Variants in ORC2 observed in about 807,000 individuals in gnomAD.
ORC2 encodes origin recognition complex subunit 2.
In ORC2, 37 loss-of-function variants were observed where a neutral mutation model predicts 77.7. The ratio of observed to expected loss-of-function variants is 0.48; its 90% CI spans 0.37 to 0.63. ORC2 has a LOEUF of 0.63. Among genes scored for constraint, ORC2 ranks in the 20% least tolerant of loss-of-function variants. The pLI is 0.00. For missense variants in ORC2, 557 were observed against 661.9 expected, an observed-to-expected ratio of 0.84 and a Z score of 1.74; for synonymous variants, 201 against 229.5, an observed-to-expected ratio of 0.88 and a Z score of 1.12.
At chr2:200,943,404 A>T (rs2041189770) in intron 5 of ORC2, among the ~76,000 whole-genome samples, 1 of 152,086 alleles carries the variant, frequency 6.6e-6, no homozygotes, top group Admixed American at 6.5e-5. Context: ...CCAAAGACCA[A>T]ATCACTTATA....
At chr2:200,927,036 C>A (rs922422614) in intron 11 of ORC2, 136 bp from the exon 12 acceptor site, 2 of 888,080 alleles carry the variant, frequency 2.3e-6, no homozygotes, top group East Asian at 2.5e-5. Context: ...AGCCTGTAAT[C>A]CCCGAATTTT....
Position 200,913,280 on chromosome 2 carries a change from A to G in ORC2, c.1647+15T>C. The G allele has an allele frequency of 6.4e-7, 1 of 1,569,160 alleles. No individual in the cohort carries two copies. The highest frequency in any genetic ancestry group is 8.7e-7 in the Non-Finnish European group (1 of 1,149,410). Reference sequence around the variant, plus strand: ...ACTATTCCTGGCATACAATGCTACAATAGTGGAGTCTTACCTTCTTTGTTC... The same window carrying G: ...ACTATTCCTGGCATACAATGCTACAGTAGTGGAGTCTTACCTTCTTTGTTC... On this transcript the variant is annotated intron_variant, in intron 17 of 17. Coordinates refer to ENST00000234296, the MANE Select transcript of ORC2 (RefSeq NM_006190.5).
At chr2:200,914,110 G>C in intron 15 of ORC2, 118 bp from the exon 16 acceptor site, 1 of 596,860 alleles carries the variant, frequency 1.7e-6, no homozygotes, top group Non-Finnish European at 2.9e-6. Context: ...ATTATCTTCT[G>C]TTCCTCCAAG....
chr2:200,956,510 T>G (rs1407903531), intron 4 of ORC2, among the ~76,000 whole-genome samples: 1 of 151,718 alleles, frequency 6.6e-6, no homozygotes, highest in Admixed American at 6.6e-5. Context: ...TTTTTTTTTT[T>G]GTAGAAACGG....
At chr2:200,941,333 G>A in intron 6 of ORC2, 54 bp from the exon 7 acceptor site, 1 of 1,531,332 alleles carries the variant, frequency 6.5e-7, no homozygotes, top group Non-Finnish European at 9.0e-7. Flanking sequence ...ACTTTTCATT[G>A]TGGTCTAGTT....
In ORC2 at chr2:200,920,388, C is replaced by T; in HGVS notation, c.1300G>A (p.Asp434Asn). The change falls in exon 15 of 18, where the codon GAT becomes AAT. Residue 434 changes from aspartate (D) to asparagine (N), a missense_variant. Asp to Asn is a conservative substitution (Grantham distance 23, BLOSUM62 1). Transcript: ENST00000234296. ...IDHLNAPLMW[D>N]HAKQSLFNWL... ...TTAAAAAGACTCTGCTTTGCATGAT[C>T]CCACACTAGCACATGATCAAAGAAA... 1.3e-6 allele frequency: 2 copies of T among 1,569,308 alleles called. No homozygotes were observed. The highest frequency in any genetic ancestry group is 1.7e-6 in the Non-Finnish European group (2 of 1,155,470).
chr2:200,957,391 C>T lies in ORC2; in HGVS notation c.238+10G>A. 6.4e-7 allele frequency: 1 copy of T among 1,556,996 alleles called. No individual in the cohort carries two copies. Among genetic ancestry groups the T allele is most frequent in the Non-Finnish European group, 8.7e-7 (1 of 1,152,804 alleles). Reference sequence around the variant, plus strand: ...GCAGAAACGAGTGTATATTTCACCCCCTCAAATACCTTGAACATCTCTTCC... The same window carrying T: ...GCAGAAACGAGTGTATATTTCACCCTCTCAAATACCTTGAACATCTCTTCC... On this transcript the variant is annotated intron_variant, in intron 4 of 17. Transcript: ENST00000234296.
chr2:200,915,030 T>G (rs2040618938), intron 15 of ORC2, among the ~76,000 whole-genome samples: 1 of 144,832 alleles, frequency 6.9e-6, no homozygotes, highest in African/African-American at 2.6e-5. Flanking sequence ...TTTTTTTTTT[T>G]TTGAGACAGA....
chr2:200,922,037 G>C (rs2040770506), intron 13 of ORC2, among the ~76,000 whole-genome samples: 1 of 150,864 alleles, frequency 6.6e-6, no homozygotes, highest in African/African-American at 2.4e-5. Context: ...GGAGTGGAGG[G>C]ATACCAAAAA....
chr2:200,938,896 G>A (rs1025956740), intron 7 of ORC2, among the ~76,000 whole-genome samples: 5 of 151,942 alleles, frequency 3.3e-5, no homozygotes, highest in Non-Finnish European at 7.4e-5. Flanking sequence ...AAAATTAGCC[G>A]GGCGTGCTGG....
chr2:200,933,832 G>C (rs745367928), intron 10 of ORC2, 44 bp downstream of exon 10: 1 of 1,076,650 alleles, frequency 9.3e-7, no homozygotes. Context: ...TATTTTTCAG[G>C]ACAGAGTAAA....
chr2:200,924,756 T>TTTTA (rs948635691), intron 13 of ORC2, among the ~76,000 whole-genome samples: 12 of 152,080 alleles, frequency 7.9e-5, no homozygotes, highest in African/African-American at 2.2e-4. Flanking sequence ...AGAAATAATG[T>TTTTA]TTTATTTATT....
chr2:200,939,044 GAA>G (rs199696935), intron 7 of ORC2, among the ~76,000 whole-genome samples: 22 of 128,284 alleles, frequency 1.7e-4, no homozygotes, highest in Admixed American at 6.4e-4. Flanking sequence ...TCCTCAGGGG[GAA>G]AAAAAAAAAA....
At chr2:200,917,637 TGCA>T (rs2040679565) in intron 15 of ORC2, among the ~76,000 whole-genome samples, 1 of 152,042 alleles carries the variant, frequency 6.6e-6, no homozygotes, top group Admixed American at 6.6e-5. Context: ...CACACACGAG[TGCA>T]GCATGTATAA....
chr2:200,961,148 G>C (rs1376715855), intron 1 of ORC2, among the ~76,000 whole-genome samples: 1 of 151,878 alleles, frequency 6.6e-6, no homozygotes, highest in Non-Finnish European at 1.5e-5. Context: ...TATCATAAAT[G>C]CTTGGTTTTT....
At position 200,910,709 on chromosome 2, in the gene ORC2, T is replaced by C. The variant is rs1475888712; in HGVS notation, c.*592A>G. Reference sequence around the variant, plus strand: ...CCCAACTGAATAGTATTATAATATATTCCCTCCCCTGCCCCCACCAAGTAC... The same window carrying C: ...CCCAACTGAATAGTATTATAATATACTCCCTCCCCTGCCCCCACCAAGTAC... On this transcript the variant is annotated 3_prime_UTR_variant, in exon 18 of 18. Transcript: ENST00000234296. 6.6e-6 allele frequency: 1 copy of C among 152,656 alleles called. No homozygotes were observed. The highest frequency in any genetic ancestry group is 1.5e-5 in the Non-Finnish European group (1 of 68,492). The allele number at this position is 152,656 out of a possible 1,614,324, so 9.5% of individuals were successfully genotyped here.
chr2:200,963,625 G>C lies in ORC2; in HGVS notation c.-195C>G, dbSNP rs1413604787. On this transcript the variant is annotated 5_prime_UTR_variant, in exon 1 of 18. Coordinates refer to ENST00000234296, the MANE Select transcript of ORC2 (RefSeq NM_006190.5). ...TTCCAGTAATTCGCGCCCGACCACC[G>C]GGGAGGTAAGGAGCACCGGAGGCCA... 2.5e-6 allele frequency: 1 copy of C among 398,432 alleles called. No homozygotes were observed. Among genetic ancestry groups the C allele is most frequent in the Admixed American group, 4.4e-5 (1 of 22,718 alleles). 24.7% of individuals were successfully genotyped at this position (398,432 alleles called of 1,614,324 possible).
rs779360761 is a variant in ORC2, at chr2:200,913,923, T to G, written c.1528+8A>C. On this transcript the variant is annotated splice_region_variant and intron_variant, in intron 16 of 17. Coordinates refer to ENST00000234296, the MANE Select transcript of ORC2 (RefSeq NM_006190.5). ...ATTACACAATTGAATGTCATAAATA[T>G]TGGATACCAATGTAAGAAGGGTTAT... is the stretch of plus-strand genomic sequence containing the variant. 2 of 1,584,194 alleles carry G rather than the reference T, an allele frequency of 1.3e-6. No individual in the cohort carries two copies. The highest frequency in any genetic ancestry group is 2.4e-5 in the South Asian group (2 of 84,458).
At chr2:200,951,098 T>G (rs948884936) in intron 4 of ORC2, among the ~76,000 whole-genome samples, 6 of 152,236 alleles carry the variant, frequency 3.9e-5, no homozygotes, top group Non-Finnish European at 2.9e-5. Context: ...TTCCAGAATG[T>G]CATATAGTTG....
Sources: gnomAD v4.1 joint callset for allele counts (sites outside exome capture counted in the v4.1 genomes callset) on GRCh38, gnomAD v4.1.1 for gene constraint, MANE v1.5 for transcripts, NCBI Gene and HGNC (gene_info 2026-07-23, HGNC 2026-07-21) for gene names.